Variants in SWT1 observed in about 807,000 individuals in gnomAD.
SWT1 encodes the protein transcriptional protein SWT1.
A neutral mutation model predicts 107.3 loss-of-function variants in SWT1; 33 were observed. The ratio of observed to expected loss-of-function variants is 0.31; its 90% CI spans 0.23 to 0.41. SWT1 has a LOEUF of 0.41. Ranked by LOEUF, SWT1 falls within the 10% of genes least tolerant of loss-of-function variation. The probability of loss-of-function intolerance (pLI) is 1.00; values close to 1 mark genes in which losing one functional copy is unlikely to be tolerated. For missense variants in SWT1, 898 were observed against 1,028.9 expected, an observed-to-expected ratio of 0.87 and a Z score of 1.74; for synonymous variants, 345 against 348.3, an observed-to-expected ratio of 0.99 and a Z score of 0.11.
chr1:185,267,095 C>G (rs932663240), intron 16 of SWT1, among the ~76,000 whole-genome samples: 2 of 152,124 alleles, frequency 1.3e-5, no homozygotes, highest in Non-Finnish European at 2.9e-5. Flanking sequence ...GATTTGGATA[C>G]CTACCACCAC....
intron 5 of SWT1, among the ~76,000 whole-genome samples, chr1:185,179,839 A>G (rs979027134): frequency 1.8e-4 from 27 of 152,182 alleles, no homozygotes; most frequent in Non-Finnish European, 3.5e-4. Flanking sequence ...TCTGGAGGCA[A>G]TTTTGCCCCT....
At chr1:185,239,976 C>A (rs765467457) in intron 16 of SWT1, among the ~76,000 whole-genome samples, 6 of 152,158 alleles carry the variant, frequency 3.9e-5, no homozygotes, top group Non-Finnish European at 8.8e-5. Flanking sequence ...AAACTGTCAT[C>A]TTTGCAGAGT....
At chr1:185,255,969 A>T (rs1304468294) in intron 16 of SWT1, among the ~76,000 whole-genome samples, 1 of 151,940 alleles carries the variant, frequency 6.6e-6, no homozygotes, top group African/African-American at 2.4e-5. Flanking sequence ...CTTTTAGGGC[A>T]GGCCTGGTGA....
intron 18 of SWT1, among the ~76,000 whole-genome samples, chr1:185,279,277 T>A (rs1355653932): frequency 2.0e-5 from 3 of 152,208 alleles, no homozygotes; most frequent in Non-Finnish European, 4.4e-5. Flanking sequence ...AGGCCACAAT[T>A]TCTTGAAGCA....
At chr1:185,183,492 A>G (rs1656199233) in intron 7 of SWT1, among the ~76,000 whole-genome samples, 1 of 152,088 alleles carries the variant, frequency 6.6e-6, no homozygotes, top group Admixed American at 6.6e-5. Context: ...TGTGTTGGCC[A>G]GGCTGATCTC....
chr1:185,249,265 C>A (rs915157450), intron 16 of SWT1, among the ~76,000 whole-genome samples: 1 of 152,136 alleles, frequency 6.6e-6, no homozygotes, highest in African/African-American at 2.4e-5. Context: ...TATGGCATTG[C>A]CTCAGAAATC....
chr1:185,183,133 A>G (rs1469067847), intron 7 of SWT1, among the ~76,000 whole-genome samples: 1 of 150,272 alleles, frequency 6.7e-6, no homozygotes, highest in Non-Finnish European at 1.5e-5. Context: ...GCAAAAATCC[A>G]TCTCAAAAAA....
chr1:185,184,617 CAATT>C (rs1656298468), intron 8 of SWT1, 122 bp from the exon 9 acceptor site: 1 of 612,466 alleles, frequency 1.6e-6, no homozygotes, highest in Non-Finnish European at 2.7e-6. Context: ...TATTGTCTCT[CAATT>C]TATTGTGAAT....
chr1:185,261,131 T>C (rs557229645), intron 16 of SWT1, among the ~76,000 whole-genome samples: 4 of 152,246 alleles, frequency 2.6e-5, no homozygotes, highest in Admixed American at 6.5e-5. Context: ...CAGAATTCTT[T>C]TCATCTCGTA....
intron 2 of SWT1, among the ~76,000 whole-genome samples, chr1:185,164,047 T>C (rs1654377268): frequency 6.6e-6 from 1 of 152,278 alleles, no homozygotes; most frequent in Non-Finnish European, 1.5e-5. Context: ...CTCCTTGATC[T>C]ATGGACTGCA....
intron 18 of SWT1, chr1:185,281,677 A>C (rs1664630569): frequency 5.8e-6 from 1 of 173,052 alleles, no homozygotes; most frequent in Non-Finnish European, 1.3e-5. Flanking sequence ...GCACAGCCTC[A>C]TCAACAACAA....
intron 10 of SWT1, among the ~76,000 whole-genome samples, chr1:185,202,090 T>G (rs1407736939): frequency 6.6e-6 from 1 of 152,220 alleles, no homozygotes; most frequent in Non-Finnish European, 1.5e-5. Context: ...ATTTTCCCAC[T>G]GAAGCCCTTA....
chr1:185,214,542 T>G lies in SWT1; in HGVS notation c.2008T>G (p.Leu670Val). ...AGTGGATTTTACAACAGTCAAATTC[T>G]TGCTTCAGGATTCTAGAAGTTTGTT... ...KAVDFTTVKFLLQDSRSLLHA... is the reference protein window; with the variant it reads ...KAVDFTTVKFVLQDSRSLLHA... The change falls in exon 14 of 19, where the codon TTG becomes GTG. Residue 670 changes from leucine to valine, a missense_variant. By Grantham distance (32) the Leu-to-Val change is conservative. This residue lies in a region of SWT1 where 382 missense variants were observed against 460.0 expected (regional missense o/e 0.83). Transcript: ENST00000367500. The G allele has an allele frequency of 6.2e-7, 1 of 1,610,736 alleles. No individual in the cohort carries two copies. The highest frequency in any genetic ancestry group is 8.5e-7 in the Non-Finnish European group (1 of 1,178,684).
intron 16 of SWT1, among the ~76,000 whole-genome samples, chr1:185,240,196 T>A (rs1373783360): frequency 6.6e-6 from 1 of 152,056 alleles, no homozygotes; most frequent in African/African-American, 2.4e-5. Flanking sequence ...ATGTTTGTAT[T>A]TCACCTTTAT....
chr1:185,158,311 G>T (rs1431152751), intron 1 of SWT1, among the ~76,000 whole-genome samples: 2 of 151,846 alleles, frequency 1.3e-5, no homozygotes, highest in Admixed American at 1.3e-4. Context: ...AATGGGAACA[G>T]ATTATCCCTG....
intron 18 of SWT1, among the ~76,000 whole-genome samples, chr1:185,285,540 T>C (rs1280908996): frequency 6.6e-6 from 1 of 152,226 alleles, no homozygotes; most frequent in Non-Finnish European, 1.5e-5. Flanking sequence ...AAGTTTTTAA[T>C]TTTGATTATT....
chr1:185,239,275 A>C (rs1374276645), intron 16 of SWT1, among the ~76,000 whole-genome samples: 2 of 152,100 alleles, frequency 1.3e-5, no homozygotes, highest in South Asian at 2.1e-4. Context: ...TCTTTAGAAG[A>C]GTGTATGAAA....
At position 185,281,290 on chromosome 1, in the gene SWT1, G is replaced by C. The variant is rs893511259; in HGVS notation, c.2573+4622G>C. On this transcript the variant is annotated intron_variant, in intron 18 of 18. Coordinates refer to ENST00000367500, the MANE Select transcript of SWT1 (RefSeq NM_017673.7). ...CACAGAAGCATATATTGTGGAAGAA[G>C]TTACAGAAACATATACAGTGGAAGA... 3 of 215,908 alleles carry C rather than the reference G, an allele frequency of 1.4e-5. No individual in the cohort carries two copies. In the Admixed American group the frequency reaches 1.6e-4, roughly 11 times the overall value. 13.4% of individuals were successfully genotyped at this position (215,908 alleles called of 1,614,324 possible).
At chr1:185,218,890 A>G (rs1404145201) in intron 14 of SWT1, among the ~76,000 whole-genome samples, 1 of 152,174 alleles carries the variant, frequency 6.6e-6, no homozygotes, top group African/African-American at 2.4e-5. Context: ...ACGTGAATTA[A>G]CAAGTTAATA....
Sources: allele counts gnomAD v4.1 joint callset (sites outside exome capture counted in the v4.1 genomes callset), GRCh38; gene constraint gnomAD v4.1.1; regional missense constraint gnomAD v4.1.1; transcripts MANE v1.5; gene names NCBI Gene and HGNC (gene_info 2026-07-23, HGNC 2026-07-21).